WWC2: variants seen among roughly 807,000 people sequenced by gnomAD.
The protein encoded by WWC2 is protein WWC2.
A neutral mutation model predicts 138.5 loss-of-function variants in WWC2; 101 were observed. The observed-to-expected ratio is 0.73, with a 90% CI of 0.62 to 0.86. The LOEUF (loss-of-function observed/expected upper bound fraction) is 0.86. Ranked by LOEUF, WWC2 falls within the 40% of genes least tolerant of loss-of-function variation. The probability of loss-of-function intolerance (pLI) is 0.00; values close to 1 mark genes in which losing one functional copy is unlikely to be tolerated. For missense variants in WWC2, 1,420 were observed against 1,419.4 expected (o/e 1.00, Z -0.01); for synonymous variants, 558 against 538.4 (o/e 1.04, Z -0.50).
Position 183,318,635 on chromosome 4 carries a change from G to A in WWC2, c.*2906G>A, listed in dbSNP as rs548240235. On this transcript the variant is annotated 3_prime_UTR_variant, in exon 23 of 23. Coordinates refer to ENST00000403733, the MANE Select transcript of WWC2 (RefSeq NM_024949.6). ...ACCAAGCAAATACAAAATATTTCAT[G>A]AAGAAATCCCCAGGCTGGCAGTTTG... is the stretch of plus-strand genomic sequence containing the variant. The A allele has an allele frequency of 6.6e-6, 1 of 152,148 alleles. No homozygotes were observed. Among genetic ancestry groups the A allele is most frequent in the Non-Finnish European group, 1.5e-5 (1 of 67,960 alleles). 9.4% of individuals were successfully genotyped at this position (152,148 alleles called of 1,614,324 possible).
chr4:183,311,853 A>G (rs56003285), intron 21 of WWC2, among the ~76,000 whole-genome samples: 1,652 of 152,280 alleles, frequency 0.011, 22 homozygotes, highest in Non-Finnish European at 0.014. Context: ...CTGGGATTAC[A>G]GGAGTGAGCC....
At chr4:183,182,411 G>A (rs888129380) in intron 1 of WWC2, among the ~76,000 whole-genome samples, 1 of 152,148 alleles carries the variant, frequency 6.6e-6, no homozygotes, top group Non-Finnish European at 1.5e-5. Context: ...TTATTTGTTT[G>A]GACAATAATC....
chr4:183,207,844 T>C, intron 2 of WWC2, 109 bp from the exon 3 acceptor site: 1 of 1,045,092 alleles, frequency 9.6e-7, no homozygotes, highest in Non-Finnish European at 1.4e-6. Flanking sequence ...CACAGCTAAA[T>C]AAACTCCTTA....
intron 1 of WWC2, among the ~76,000 whole-genome samples, chr4:183,128,043 G>GAAAAA (rs528448875): frequency 4.1e-5 from 5 of 120,760 alleles, no homozygotes; most frequent in Non-Finnish European, 8.8e-5. Context: ...CCCCATCTCT[G>GAAAAA]AAAAAAAAAA....
intron 5 of WWC2, among the ~76,000 whole-genome samples, chr4:183,242,449 A>T (rs1736652739): frequency 6.6e-6 from 1 of 152,198 alleles, no homozygotes; most frequent in Admixed American, 6.5e-5. Flanking sequence ...GGGTAGACAA[A>T]TGTGGCATTG....
chr4:183,320,334 A>G lies in WWC2; in HGVS notation c.*4605A>G, dbSNP rs1369661386. The G allele has an allele frequency of 2.1e-6, 2 of 973,214 alleles. No individual in the cohort carries two copies. The highest frequency in any genetic ancestry group is 3.1e-6 in the Non-Finnish European group (2 of 653,396). The allele number at this position is 973,214 out of a possible 1,614,324, so 60.3% of individuals were successfully genotyped here. On this transcript the variant is annotated 3_prime_UTR_variant, in exon 23 of 23. Coordinates refer to ENST00000403733, the MANE Select transcript of WWC2 (RefSeq NM_024949.6). ...TCAGAAATATTTCTTCATTGTGTAT[A>G]TAGGAGGATTCTTGCCAGAGTTGCT...
chr4:183,263,786 C>G (rs1055861837), intron 11 of WWC2, among the ~76,000 whole-genome samples: 1 of 152,152 alleles, frequency 6.6e-6, no homozygotes, highest in Non-Finnish European at 1.5e-5. Context: ...GAATTATCTT[C>G]AAGTCACCAG....
At position 183,265,759 on chromosome 4, in the gene WWC2, T is replaced by G; in HGVS notation, c.2111T>G (p.Ile704Arg). The G allele has an allele frequency of 6.2e-7, 1 of 1,611,358 alleles. No homozygotes were observed. The change falls in exon 13 of 23, where the codon ATA (isoleucine) becomes AGA (arginine). Residue 704 changes from isoleucine to arginine, a missense_variant. Ile to Arg is a moderately conservative substitution (Grantham distance 97, BLOSUM62 -3). Coordinates refer to ENST00000403733, the MANE Select transcript of WWC2 (RefSeq NM_024949.6). ...ATTGTAGAGACCGCCCAGGTTCAGATAGGACTCAGGTAAGGAATGTACGTG... is the reference window on the plus strand; with the variant it reads ...ATTGTAGAGACCGCCCAGGTTCAGAGAGGACTCAGGTAAGGAATGTACGTG... ...VAIVETAQVQIGLRYNAKSSS... is the reference protein window; with the variant it reads ...VAIVETAQVQRGLRYNAKSSS...
intron 1 of WWC2, among the ~76,000 whole-genome samples, chr4:183,112,358 T>TGTGCCCCTTCATGCTCTGTGC (rs1364530977): frequency 2.6e-5 from 4 of 152,262 alleles, no homozygotes; most frequent in African/African-American, 9.6e-5. Context: ...CTGCTTTGTG[T>TGTGCCCCTTCATGCTCTGTGC]GTGCCCCTTC....
intron 19 of WWC2, among the ~76,000 whole-genome samples, chr4:183,285,716 C>T (rs1413567206): frequency 6.6e-6 from 1 of 151,942 alleles, no homozygotes; most frequent in African/African-American, 2.4e-5. Flanking sequence ...GCCGAGATCA[C>T]GCCACTGCAC....
chr4:183,272,274 G>T (rs1204075995), intron 16 of WWC2, among the ~76,000 whole-genome samples: 1 of 152,064 alleles, frequency 6.6e-6, no homozygotes, highest in Admixed American at 6.5e-5. Flanking sequence ...CAAACATAAC[G>T]GTACATTTTA....
intron 1 of WWC2, among the ~76,000 whole-genome samples, chr4:183,140,853 G>C (rs1733279792): frequency 6.6e-6 from 1 of 151,858 alleles, no homozygotes. Flanking sequence ...TAAGAGCATA[G>C]ACTCTAGAGT....
At position 183,259,692 on chromosome 4, in the gene WWC2, C is replaced by A; in HGVS notation, c.1250C>A (p.Thr417Asn). ...CTGCTACAGAAACTTGAAGAAACTACTAAATTAACTACTTATTTGCATTCA... is the reference window on the plus strand; with the variant it reads ...CTGCTACAGAAACTTGAAGAAACTAATAAATTAACTACTTATTTGCATTCA... ...KELLQKLEET[T>N]KLTTYLHSQL... The change falls in exon 10 of 23, where the codon ACT becomes AAT. Residue 417 changes from threonine (T) to asparagine (N), a missense_variant. By Grantham distance (65) the Thr-to-Asn change is moderately conservative. Transcript: ENST00000403733. The A allele has an allele frequency of 6.5e-7, 1 of 1,546,868 alleles. No homozygotes were observed.
intron 1 of WWC2, among the ~76,000 whole-genome samples, chr4:183,117,162 T>G (rs1732437856): frequency 6.6e-6 from 1 of 151,604 alleles, no homozygotes; most frequent in African/African-American, 2.4e-5. Flanking sequence ...TCATGAAGGA[T>G]AGAGAATTTT....
chr4:183,202,353 GTC>G (rs1214087708), intron 2 of WWC2, among the ~76,000 whole-genome samples: 1 of 152,130 alleles, frequency 6.6e-6, no homozygotes, highest in East Asian at 1.9e-4. Flanking sequence ...GGGAGGGGCA[GTC>G]TCTTCCCAGA....
intron 11 of WWC2, among the ~76,000 whole-genome samples, chr4:183,263,361 G>C (rs1737397435): frequency 6.6e-6 from 1 of 152,194 alleles, no homozygotes; most frequent in Non-Finnish European, 1.5e-5. Context: ...CCTGAGGTCT[G>C]GGAGTCCTGT....
chr4:183,251,819 C>T (rs1049683721), intron 8 of WWC2, among the ~76,000 whole-genome samples: 1 of 152,100 alleles, frequency 6.6e-6, no homozygotes, highest in African/African-American at 2.4e-5. Flanking sequence ...ATGCTTTTTC[C>T]TCCTCAATTC....
intron 21 of WWC2, among the ~76,000 whole-genome samples, chr4:183,304,440 G>A (rs1012557929): frequency 6.6e-6 from 1 of 152,070 alleles, no homozygotes; most frequent in Non-Finnish European, 1.5e-5. Flanking sequence ...GATGGATGTC[G>A]AAGAAAAATC....
intron 1 of WWC2, among the ~76,000 whole-genome samples, chr4:183,106,108 C>T (rs945700559): frequency 5.9e-5 from 9 of 151,834 alleles, no homozygotes; most frequent in East Asian, 2.0e-4. Context: ...CTCAGCCTCC[C>T]GAGTAGCTGG....
Sources: gnomAD v4.1 joint callset for allele counts (sites outside exome capture counted in the v4.1 genomes callset) on GRCh38, gnomAD v4.1.1 for gene constraint, MANE v1.5 for transcripts, NCBI Gene and HGNC (gene_info 2026-07-23, HGNC 2026-07-21) for gene names.